The following PDE3B variants were observed in gnomAD, a reference collection of about 807,000 sequenced individuals.
PDE3B encodes the protein cGMP-inhibited 3',5'-cyclic phosphodiesterase 3B.
In PDE3B, 66 loss-of-function variants were observed where a neutral mutation model predicts 116.8. The ratio of observed to expected loss-of-function variants is 0.56; its 90% CI spans 0.46 to 0.69. The LOEUF (loss-of-function observed/expected upper bound fraction) is 0.69, where lower values mean the gene tolerates loss of function less well. Among genes scored for constraint, PDE3B ranks in the 30% least tolerant of loss-of-function variants. The pLI, the probability that PDE3B is intolerant of heterozygous loss-of-function variation, is 0.00. For missense variants in PDE3B, 1,384 were observed against 1,368.1 expected, an observed-to-expected ratio of 1.01 and a Z score of -0.18; for synonymous variants, 595 against 533.6, an observed-to-expected ratio of 1.12 and a Z score of -1.59.
chr11:14,733,181 T>C (rs1318598087), intron 1 of PDE3B, among the ~76,000 whole-genome samples: 2 of 152,208 alleles, frequency 1.3e-5, no homozygotes, highest in Non-Finnish European at 2.9e-5. Flanking sequence ...TTAATTGTTA[T>C]TAGTCAACAA....
intron 4 of PDE3B, among the ~76,000 whole-genome samples, chr11:14,795,599 A>G (rs1319979650): frequency 6.6e-6 from 1 of 152,180 alleles, no homozygotes; most frequent in Admixed American, 6.5e-5. Context: ...GAAATTATTG[A>G]AAGACCCTGG....
chr11:14,894,770 A>T, the PDE3B span, among the ~76,000 whole-genome samples: 1 of 152,194 alleles, frequency 6.6e-6, no homozygotes, highest in African/African-American at 2.4e-5. Flanking sequence ...ATGTTCCCTC[A>T]GCTCAATAAG....
At chr11:14,658,626 A>G (rs968223142) in intron 1 of PDE3B, among the ~76,000 whole-genome samples, 1 of 152,224 alleles carries the variant, frequency 6.6e-6, no homozygotes, top group Admixed American at 6.5e-5. Context: ...AAGTGCTGAG[A>G]TTACAGGCAT....
chr11:14,726,721 G>C (rs565184355), intron 1 of PDE3B, among the ~76,000 whole-genome samples: 63 of 152,286 alleles, frequency 4.1e-4, no homozygotes, highest in African/African-American at 1.5e-3. Flanking sequence ...GCTGGATTAA[G>C]ATGTGTTTGT....
the PDE3B span, among the ~76,000 whole-genome samples, chr11:14,898,944 G>A: frequency 6.6e-6 from 1 of 152,006 alleles, no homozygotes; most frequent in Non-Finnish European, 1.5e-5. Flanking sequence ...GATTGCTTAA[G>A]ATGTCTTTCA....
At chr11:14,759,561 T>C (rs1565124756) in intron 1 of PDE3B, among the ~76,000 whole-genome samples, 1 of 151,248 alleles carries the variant, frequency 6.6e-6, no homozygotes, top group African/African-American at 2.4e-5. Flanking sequence ...TTTTTTTTTT[T>C]TTTTTTGAGA....
chr11:14,827,581 T>C (rs1223776983), intron 7 of PDE3B, among the ~76,000 whole-genome samples: 1 of 151,928 alleles, frequency 6.6e-6, no homozygotes, highest in Non-Finnish European at 1.5e-5. Flanking sequence ...ACAAAAAGAA[T>C]AAAATACCTA....
At chr11:14,886,631 T>A in the PDE3B span, 1 of 152,392 alleles carries the variant, frequency 6.6e-6, no homozygotes. Context: ...ATGTCACACC[T>A]CCTGTAGTCT....
rs1853326435 is a variant in PDE3B, at chr11:14,644,664, T to TTGCTGCTGGTGCTGAGCTGCGTAGGGC, written c.598_624dup (p.Val200_Leu208dup). The TTGCTGCTGGTGCTGAGCTGCGTAGGGC allele has an allele frequency of 6.7e-7, 1 of 1,498,814 alleles. No individual in the cohort carries two copies. The highest frequency in any genetic ancestry group is 1.4e-5 in the African/African-American group (1 of 71,702). 92.8% of individuals were successfully genotyped at this position (1,498,814 alleles called of 1,614,324 possible). A position where few individuals can be genotyped will look rare whatever the true frequency, so the allele number is the denominator to read the frequency against. On this transcript the variant is annotated inframe_insertion, in exon 1 of 16. Transcript: ENST00000282096. ...GCCCCCGGAGGCGGCAGCGGGCAGGTTGCTGCTGGTGCTGAGCTGCGTAGG... is the reference window on the plus strand; with the variant it reads ...GCCCCCGGAGGCGGCAGCGGGCAGGTTGCTGCTGGTGCTGAGCTGCGTAGGGCTGCTGCTGGTGCTGAGCTGCGTAGG...
chr11:14,653,229 T>C (rs556035980), intron 1 of PDE3B, among the ~76,000 whole-genome samples: 2 of 152,296 alleles, frequency 1.3e-5, no homozygotes, highest in Middle Eastern at 6.8e-3. Flanking sequence ...GCTGCATATG[T>C]AGACTCAGAA....
At chr11:14,733,308 A>C (rs1856511130) in intron 1 of PDE3B, among the ~76,000 whole-genome samples, 2 of 152,190 alleles carry the variant, frequency 1.3e-5, no homozygotes, top group Non-Finnish European at 2.9e-5. Context: ...AAATGACAAT[A>C]AGCTCCGATT....
At chr11:14,829,740 G>A (rs1466390134) in intron 7 of PDE3B, among the ~76,000 whole-genome samples, 1 of 151,944 alleles carries the variant, frequency 6.6e-6, no homozygotes, top group African/African-American at 2.4e-5. Context: ...TAGTAATTGG[G>A]TACTAGGCCT....
rs566633538 is a variant in PDE3B at position 14,664,801 on chromosome 11, G to C, written c.978+19748G>C. Among the ~76,000 whole-genome samples, 689 of 152,252 alleles carry C rather than the reference G, an allele frequency of 4.5e-3. 3 individuals are homozygous for C. Among genetic ancestry groups the C allele is most frequent in the Non-Finnish European group, 7.6e-3 (516 of 68,024 alleles). On this transcript the variant is annotated intron_variant, in intron 1 of 15. Coordinates refer to ENST00000282096, the MANE Select transcript of PDE3B (RefSeq NM_000922.4). ...TAGCTTACCAACCAAAAAGAGTCCA[G>C]GACCAGATGGATTCACAGCCGAATT...
chr11:14,669,836 G>A (rs1026677548), intron 1 of PDE3B, among the ~76,000 whole-genome samples: 1 of 152,130 alleles, frequency 6.6e-6, no homozygotes, highest in Non-Finnish European at 1.5e-5. Context: ...GAAATAAAGA[G>A]TATGTTGAGA....
At chr11:14,813,154 A>G (rs948430677) in intron 5 of PDE3B, among the ~76,000 whole-genome samples, 1 of 152,180 alleles carries the variant, frequency 6.6e-6, no homozygotes, top group Non-Finnish European at 1.5e-5. Context: ...TGTTATAGCA[A>G]TCCAAAGGGA....
chr11:14,821,905 A>ATTT (rs5789850), intron 7 of PDE3B, among the ~76,000 whole-genome samples: 1 of 142,614 alleles, frequency 7.0e-6, no homozygotes, highest in African/African-American at 2.6e-5. Flanking sequence ...ACTCTTAAGA[A>ATTT]TTTTTTTTTT....
downstream of PDE3B, among the ~76,000 whole-genome samples, chr11:14,872,809 A>G (rs1037785796): frequency 1.3e-5 from 2 of 152,044 alleles, no homozygotes; most frequent in African/African-American, 2.4e-5. Context: ...CACAAATACT[A>G]TATTTTCATC....
At chr11:14,693,349 G>A (rs185178590) in intron 1 of PDE3B, among the ~76,000 whole-genome samples, 3 of 152,194 alleles carry the variant, frequency 2.0e-5, no homozygotes, top group South Asian at 4.1e-4. Flanking sequence ...GATTTTCAAC[G>A]TAGGTAAATC....
intron 1 of PDE3B, among the ~76,000 whole-genome samples, chr11:14,660,981 C>T (rs978475717): frequency 6.6e-6 from 1 of 152,204 alleles, no homozygotes; most frequent in Non-Finnish European, 1.5e-5. Flanking sequence ...TACCATCTCA[C>T]ACCAGTTAGA....
Sources: allele counts gnomAD v4.1 joint callset (sites outside exome capture counted in the v4.1 genomes callset), GRCh38; gene constraint gnomAD v4.1.1; transcripts MANE v1.5; gene names NCBI Gene and HGNC (gene_info 2026-07-23, HGNC 2026-07-21).